The following CREB3L1 variants were observed in gnomAD, a reference collection of about 807,000 sequenced individuals.
The protein encoded by CREB3L1 is cyclic AMP-responsive element-binding protein 3-like protein 1.
A neutral mutation model predicts 54.5 loss-of-function variants in CREB3L1; 33 were observed. That is an observed-to-expected ratio of 0.61 (90% CI 0.46 to 0.81). The LOEUF is 0.81. CREB3L1 is among the 30% of genes least tolerant of loss of function. The pLI is 0.00. For missense variants in CREB3L1, 656 were observed against 673.3 expected (o/e 0.97, Z 0.29); for synonymous variants, 284 against 286.4 (o/e 0.99, Z 0.08).
intron 1 of CREB3L1, among the ~76,000 whole-genome samples, chr11:46,282,893 A>C (rs1490071657): frequency 6.6e-6 from 1 of 152,184 alleles, no homozygotes; most frequent in African/African-American, 2.4e-5. Context: ...CCCAGTCAAA[A>C]ATTTCCAATT....
intron 1 of CREB3L1, among the ~76,000 whole-genome samples, chr11:46,282,218 C>T (rs182379333): frequency 6.6e-6 from 1 of 152,270 alleles, no homozygotes; most frequent in African/African-American, 2.4e-5. Flanking sequence ...GGAAAAGTGT[C>T]CTTAAGCCCA....
intron 1 of CREB3L1, among the ~76,000 whole-genome samples, chr11:46,290,782 T>C (rs1465201292): frequency 7.0e-6 from 1 of 142,378 alleles, no homozygotes; most frequent in Admixed American, 7.1e-5. Flanking sequence ...AGCAAGGGGA[T>C]GAGGGGTTGG....
At position 46,299,963 on chromosome 11, in the gene CREB3L1, C is replaced by G; in HGVS notation, c.131C>G (p.Thr44Arg). Residue 44 changes from threonine to arginine, a missense_variant, in exon 2 of 12, where the codon ACG becomes AGG. This residue lies in a region of CREB3L1 where 339 missense variants were observed against 331.5 expected (regional missense o/e 1.02). Transcript: ENST00000621158. Reference protein sequence around the residue: ...AHFPEHLDHFTENMEDFSNDL... With the variant: ...AHFPEHLDHFRENMEDFSNDL... ...TTTCCTGAGCACCTGGACCACTTTA[C>G]GGAGAACATGGAGGACTTCTCCAAT... The G allele has an allele frequency of 6.2e-7, 1 of 1,613,908 alleles. No individual in the cohort carries two copies. The highest frequency in any genetic ancestry group is 1.1e-5 in the South Asian group (1 of 91,068).
In CREB3L1 at chr11:46,311,058, C is replaced by A. The variant is rs1939477391; in HGVS notation, c.622C>A (p.Pro208Thr). The change falls in exon 5 of 12, where the codon CCC becomes ACC. Residue 208 changes from proline (P) to threonine (T), a missense_variant. Transcript: ENST00000621158. ...PEDLVQMPPT[P>T]PSSHGSDSDG... Reference sequence around the variant, plus strand: ...GGACCTGGTGCAGATGCCTCCGACGCCCCCCAGCAGCCATGGCAGTGACAG... The same window carrying A: ...GGACCTGGTGCAGATGCCTCCGACGACCCCCAGCAGCCATGGCAGTGACAG... 1 of 1,606,086 alleles carries A rather than the reference C, an allele frequency of 6.2e-7. No individual in the cohort carries two copies. The highest frequency in any genetic ancestry group is 1.3e-5 in the African/African-American group (1 of 74,622).
chr11:46,300,111 C>G lies in CREB3L1; in HGVS notation c.279C>G (p.Asp93Glu). The change falls in exon 2 of 12, where the codon GAC (aspartate) becomes GAG (glutamate). Residue 93 changes from aspartate (D) to glutamate (E), a missense_variant. Asp to Glu is a conservative substitution (Grantham distance 45). Coordinates refer to ENST00000621158, the MANE Select transcript of CREB3L1 (RefSeq NM_052854.4). Reference protein sequence around the residue: ...QAEHSYSLSGDSAPQSPLVPI... With the variant: ...QAEHSYSLSGESAPQSPLVPI... ...AGCACAGCTACTCCCTGAGCGGCGA[C>G]TCAGCGCCCCAGAGCCCCCTTGTGC... The G allele has an allele frequency of 6.2e-7, 1 of 1,613,856 alleles. No individual in the cohort carries two copies. Among genetic ancestry groups the G allele is most frequent in the Non-Finnish European group, 8.5e-7 (1 of 1,179,824 alleles).
chr11:46,285,340 G>T (rs1001673745), intron 1 of CREB3L1, among the ~76,000 whole-genome samples: 1 of 152,124 alleles, frequency 6.6e-6, no homozygotes, highest in Non-Finnish European at 1.5e-5. Context: ...TTTGGGTGGA[G>T]TTAAGTCAAG....
At chr11:46,284,027 C>A (rs1939017718) in intron 1 of CREB3L1, among the ~76,000 whole-genome samples, 1 of 152,136 alleles carries the variant, frequency 6.6e-6, no homozygotes. Flanking sequence ...TTGTGAGGTC[C>A]CTCCGGCTTC....
At position 46,321,392 on chromosome 11, in the gene CREB3L1, C is replaced by A. The variant is rs1044796; in HGVS notation, c.*646C>A. ...AGCACATGCTTTAAGAAAGCAAAAC[C>A]AAAAAAAAAAAAAAAAAGATGCAGC... On this transcript the variant is annotated 3_prime_UTR_variant, in exon 12 of 12. Transcript: ENST00000621158. 4,116 of 137,208 alleles carry A rather than the reference C, an allele frequency of 0.03. 174 individuals are homozygous for A. Among genetic ancestry groups the A allele is most frequent in the African/African-American group, 0.095 (3,486 of 36,512 alleles). The allele number at this position is 137,208 out of a possible 1,614,324, so 8.5% of individuals were successfully genotyped here. A position where few individuals can be genotyped will look rare whatever the true frequency, so the allele number is the denominator to read the frequency against.
intron 2 of CREB3L1, among the ~76,000 whole-genome samples, chr11:46,305,698 G>A (rs1566187777): frequency 1.1e-4 from 12 of 104,576 alleles, no homozygotes; most frequent in South Asian, 9.0e-4. Flanking sequence ...ATATGTGTGT[G>A]TGTGTGTGTG....
intron 1 of CREB3L1, among the ~76,000 whole-genome samples, chr11:46,282,112 C>CGTTG (rs1938985935): frequency 6.6e-6 from 1 of 152,030 alleles, no homozygotes; most frequent in South Asian, 2.1e-4. Flanking sequence ...GCCTAACAAC[C>CGTTG]GTTGATGAAT....
At chr11:46,297,846 G>T (rs968430566) in intron 1 of CREB3L1, among the ~76,000 whole-genome samples, 1 of 152,086 alleles carries the variant, frequency 6.6e-6, no homozygotes, top group African/African-American at 2.4e-5. Context: ...CAGAGTTTAG[G>T]GGCTGCAGTT....
At chr11:46,318,744 G>A (rs138351731) in intron 10 of CREB3L1, among the ~76,000 whole-genome samples, 13 of 152,294 alleles carry the variant, frequency 8.5e-5, no homozygotes, top group East Asian at 7.7e-4. Context: ...CAAGAACCAC[G>A]TGTCTGGCAG....
chr11:46,308,507 C>T (rs929690916), intron 3 of CREB3L1, among the ~76,000 whole-genome samples: 2 of 151,862 alleles, frequency 1.3e-5, no homozygotes, highest in Non-Finnish European at 2.9e-5. Context: ...AGCTATAAAC[C>T]CAAGACCCCT....
At chr11:46,309,877 A>G in intron 3 of CREB3L1, 112 bp from the exon 4 acceptor site, 1 of 796,872 alleles carries the variant, frequency 1.3e-6, no homozygotes, top group Non-Finnish European at 2.1e-6. Flanking sequence ...AAGCCCAGCC[A>G]CTTCCCCAAC....
intron 1 of CREB3L1, among the ~76,000 whole-genome samples, chr11:46,292,806 G>A (rs533789142): frequency 6.6e-6 from 1 of 151,022 alleles, no homozygotes; most frequent in African/African-American, 2.4e-5. Flanking sequence ...TTTTTTTTTA[G>A]AGATGGGATC....
chr11:46,305,696 G>GTGTGTATATA (rs200127266), intron 2 of CREB3L1, among the ~76,000 whole-genome samples: 3,139 of 105,548 alleles, frequency 0.03, 94 homozygotes, highest in African/African-American at 0.12. Flanking sequence ...ATATATGTGT[G>GTGTGTATATA]TGTGTGTGTG....
At chr11:46,297,891 T>G (rs764306511) in intron 1 of CREB3L1, among the ~76,000 whole-genome samples, 1 of 152,212 alleles carries the variant, frequency 6.6e-6, no homozygotes, top group African/African-American at 2.4e-5. Flanking sequence ...GATCGAGCAT[T>G]CACTCTGTAG....
In CREB3L1 at chr11:46,278,244, C is replaced by T. The variant is rs768339917; in HGVS notation, c.102+31C>T. ...ATGAAGGGTCTCCGTTCCCGTTCCACCCCTCGGCACCCGTCCTCGCGGCGC... is the reference window on the plus strand; with the variant it reads ...ATGAAGGGTCTCCGTTCCCGTTCCATCCCTCGGCACCCGTCCTCGCGGCGC... On this transcript the variant is annotated intron_variant, in intron 1 of 11. Coordinates refer to ENST00000621158, the MANE Select transcript of CREB3L1 (RefSeq NM_052854.4). The surrounding 1 kb of genome is among the most constrained non-coding windows in gnomAD (Gnocchi z 4.2). The T allele has an allele frequency of 1.7e-5, 24 of 1,408,576 alleles. No individual in the cohort carries two copies. The African/African-American group carries it at 1.7e-4, about 10-fold the overall frequency. 87.3% of individuals were successfully genotyped at this position (1,408,576 alleles called of 1,614,324 possible).
intron 4 of CREB3L1, 127 bp from the exon 5 acceptor site, chr11:46,310,904 AC>A: frequency 7.2e-7 from 1 of 1,391,628 alleles, no homozygotes; most frequent in South Asian, 1.6e-5. Flanking sequence ...CATAGCTGAG[AC>A]CAAGCGCCTG....
Sources: allele counts gnomAD v4.1 joint callset (sites outside exome capture counted in the v4.1 genomes callset), GRCh38; gene constraint gnomAD v4.1.1; regional missense constraint gnomAD v4.1.1; non-coding constraint Gnocchi (gnomAD v3.1); transcripts MANE v1.5; gene names NCBI Gene and HGNC (gene_info 2026-07-23, HGNC 2026-07-21).